Variants in TRAF3 observed in about 807,000 individuals in gnomAD.
TRAF3 encodes TNF receptor associated factor 3, also known as TNF receptor-associated factor 3.
Under a neutral mutation model 62.3 loss-of-function variants are expected in TRAF3, and 13 were observed. The observed-to-expected ratio is 0.21, with a 90% CI of 0.14 to 0.33. The LOEUF is 0.33. Among genes scored for constraint, TRAF3 ranks in the 10% least tolerant of loss-of-function variants. TRAF3 has a pLI of 1.00. For synonymous variants in TRAF3, 269 were observed against 283.4 expected, an observed-to-expected ratio of 0.95 and a Z score of 0.51; for missense variants, 440 against 741.8, an observed-to-expected ratio of 0.59 and a Z score of 4.73.
At chr14:102,897,530 C>T (rs1413827698) in intron 10 of TRAF3, 129 bp downstream of exon 10, 25 of 1,267,870 alleles carry the variant, frequency 2.0e-5, no homozygotes, top group Non-Finnish European at 2.8e-5. Context: ...ACTGATTTCT[C>T]TGGCCTAAGT....
intron 2 of TRAF3, among the ~76,000 whole-genome samples, chr14:102,869,837 G>T (rs918513768): frequency 1.3e-5 from 2 of 151,794 alleles, no homozygotes; most frequent in African/African-American, 4.8e-5. Flanking sequence ...TGGAGACAGG[G>T]CCTCGCTCTG....
At chr14:102,872,481 C>A (rs1282232655) in intron 4 of TRAF3, among the ~76,000 whole-genome samples, 1 of 152,108 alleles carries the variant, frequency 6.6e-6, no homozygotes, top group African/African-American at 2.4e-5. Context: ...GAGATTAGCC[C>A]CTTCTCGCCC....
chr14:102,801,588 G>A (rs1342420408), intron 1 of TRAF3, among the ~76,000 whole-genome samples: 1 of 152,040 alleles, frequency 6.6e-6, no homozygotes, highest in African/African-American at 2.4e-5. Context: ...AGGCTGAGGT[G>A]CAGTAGTACA....
At chr14:102,872,042 C>A in intron 4 of TRAF3, 74 bp downstream of exon 4, 1 of 1,494,210 alleles carries the variant, frequency 6.7e-7, no homozygotes, top group South Asian at 1.1e-5. Flanking sequence ...AGTTTGCATT[C>A]GGCACTCTGG....
chr14:102,883,109 TA>T (rs754730764), intron 6 of TRAF3, among the ~76,000 whole-genome samples: 148 of 152,276 alleles, frequency 9.7e-4, no homozygotes, highest in Non-Finnish European at 1.6e-3. Flanking sequence ...CCTGGATGTG[TA>T]GGAGAAACAC....
intron 2 of TRAF3, among the ~76,000 whole-genome samples, chr14:102,848,320 A>G (rs754555604): frequency 3.9e-5 from 6 of 152,114 alleles, no homozygotes; most frequent in Non-Finnish European, 8.8e-5. Context: ...TCCCAGCTAC[A>G]TGGGAGGCTG....
intron 1 of TRAF3, among the ~76,000 whole-genome samples, chr14:102,808,819 T>A (rs1898931700): frequency 6.6e-6 from 1 of 151,954 alleles, no homozygotes; most frequent in African/African-American, 2.4e-5. Flanking sequence ...GGTGATAGAT[T>A]GACTTTTTTT....
At position 102,908,291 on chromosome 14, in the gene TRAF3, A is replaced by G. The variant is rs535194044; in HGVS notation, c.*2507A>G. 6.6e-6 allele frequency: 1 copy of G among 152,276 alleles called. No individual in the cohort carries two copies. Among genetic ancestry groups the G allele is most frequent in the African/African-American group, 2.4e-5 (1 of 41,384 alleles). The allele number at this position is 152,276 out of a possible 1,614,324, so 9.4% of individuals were successfully genotyped here. On this transcript the variant is annotated 3_prime_UTR_variant, in exon 12 of 12. Coordinates refer to ENST00000392745, the MANE Select transcript of TRAF3 (RefSeq NM_145725.3). The stretch of plus-strand genomic sequence containing the variant: ...TTGAGGATGGGATGGCCTATGTCAC[A>G]CACTTTGTCCTTGAACCTGAGTGAT...
chr14:102,842,444 A>G (rs118097332), intron 2 of TRAF3, among the ~76,000 whole-genome samples: 2,583 of 152,156 alleles, frequency 0.017, 30 homozygotes, highest in Non-Finnish European at 0.026. Context: ...TCCAAAGCAC[A>G]GCACAGAGAA....
At chr14:102,814,859 A>G (rs1899421051) in intron 1 of TRAF3, among the ~76,000 whole-genome samples, 3 of 152,190 alleles carry the variant, frequency 2.0e-5, no homozygotes, top group African/African-American at 2.4e-5. Context: ...TTGATGTACA[A>G]AAGTTTTTAA....
At chr14:102,789,751 A>G (rs1295098791) in intron 1 of TRAF3, among the ~76,000 whole-genome samples, 2 of 151,850 alleles carry the variant, frequency 1.3e-5, no homozygotes, top group African/African-American at 2.4e-5. Flanking sequence ...ACTCTTGGCC[A>G]TTTGTGTATT....
At position 102,882,567 on chromosome 14, in the gene TRAF3, G is replaced by GTT. The variant is rs386382371; in HGVS notation, c.571-3609_571-3608dup. ...ATGTGATTTAATTCCCATGTATTTT[G>GTT]TTTTTTTTTTTTTTCAATTTGAACA... On this transcript the variant is annotated intron_variant, in intron 6 of 11. Coordinates refer to ENST00000392745, the MANE Select transcript of TRAF3 (RefSeq NM_145725.3). 9.7e-3 allele frequency among the ~76,000 whole-genome samples: 1,328 copies of GTT among 137,108 alleles called. 8 individuals are homozygous for GTT. The highest frequency in any genetic ancestry group is 0.012 in the Non-Finnish European group (784 of 62,854). 89.9% of individuals were successfully genotyped at this position (137,108 alleles called of 152,430 possible).
intron 9 of TRAF3, among the ~76,000 whole-genome samples, chr14:102,893,229 A>T (rs888047901): frequency 3.9e-5 from 6 of 151,994 alleles, no homozygotes; most frequent in African/African-American, 1.4e-4. Flanking sequence ...CCAAAAAAAA[A>T]AAATACAAAA....
Position 102,907,974 on chromosome 14 carries a change from C to T in TRAF3, c.*2190C>T, listed in dbSNP as rs1890668094. On this transcript the variant is annotated 3_prime_UTR_variant, in exon 12 of 12. Transcript: ENST00000392745. ...CTCGAAGGTGTCCCCCACCTGAGGC[C>T]TGTCCCCTACCTGCCCTCAGGTAGT... is the stretch of plus-strand genomic sequence containing the variant. The T allele has an allele frequency of 6.6e-6, 1 of 152,284 alleles. No homozygotes were observed. The highest frequency in any genetic ancestry group is 6.5e-5 in the Admixed American group (1 of 15,284). The allele number at this position is 152,284 out of a possible 1,614,324, so 9.4% of individuals were successfully genotyped here. A position where few individuals can be genotyped will look rare whatever the true frequency, so the allele number is the denominator to read the frequency against.
intron 1 of TRAF3, among the ~76,000 whole-genome samples, chr14:102,819,624 CTGT>C (rs919380903): frequency 3.3e-5 from 5 of 152,228 alleles, no homozygotes; most frequent in Admixed American, 6.5e-5. Flanking sequence ...AGTGCCTGCC[CTGT>C]TGTTGTCATC....
At chr14:102,807,582 C>T (rs1898851331) in intron 1 of TRAF3, among the ~76,000 whole-genome samples, 1 of 152,222 alleles carries the variant, frequency 6.6e-6, no homozygotes, top group South Asian at 2.1e-4. Context: ...CCTGTGCTGC[C>T]TTTCACTTGG....
chr14:102,823,153 G>C (rs1021517381), intron 1 of TRAF3, among the ~76,000 whole-genome samples: 3 of 152,230 alleles, frequency 2.0e-5, no homozygotes, highest in Non-Finnish European at 2.9e-5. Flanking sequence ...GGGTGGGAAT[G>C]AGCGGGGAGC....
intron 2 of TRAF3, among the ~76,000 whole-genome samples, chr14:102,847,301 A>G (rs993581680): frequency 6.6e-6 from 1 of 152,172 alleles, no homozygotes; most frequent in Non-Finnish European, 1.5e-5. Context: ...TAGCCTCCCA[A>G]GTAGCTGGGA....
intron 6 of TRAF3, among the ~76,000 whole-genome samples, chr14:102,884,507 T>TA (rs1405965144): frequency 2.0e-5 from 3 of 152,020 alleles, no homozygotes; most frequent in Non-Finnish European, 4.4e-5. Context: ...TAGAAATGAT[T>TA]AATATCAAAA....
Sources: gnomAD v4.1 joint callset for allele counts (sites outside exome capture counted in the v4.1 genomes callset) on GRCh38, gnomAD v4.1.1 for gene constraint, MANE v1.5 for transcripts, NCBI Gene and HGNC (gene_info 2026-07-23, HGNC 2026-07-21) for gene names.